Variants in GABBR2 observed in about 807,000 individuals in gnomAD.
The protein encoded by GABBR2 is gamma-aminobutyric acid type B receptor subunit 2.
A neutral mutation model predicts 105.6 loss-of-function variants in GABBR2; 23 were observed. The ratio of observed to expected loss-of-function variants is 0.22; its 90% CI spans 0.16 to 0.31. The LOEUF (loss-of-function observed/expected upper bound fraction) is 0.31. GABBR2 is among the 10% of genes least tolerant of loss of function. GABBR2 has a pLI of 1.00. For synonymous variants in GABBR2, 478 were observed against 499.7 expected (o/e 0.96, Z 0.58); for missense variants, 734 against 1,245.5 (o/e 0.59, Z 6.18).
intron 6 of GABBR2, among the ~76,000 whole-genome samples, chr9:98,458,674 C>T (rs1183284715): frequency 6.6e-6 from 1 of 152,216 alleles, no homozygotes; most frequent in Non-Finnish European, 1.5e-5. Context: ...CATTGCACTC[C>T]AGCCTGGGTG....
In GABBR2 at chr9:98,699,857, T is replaced by C. The variant is rs552212184; in HGVS notation, c.321+8560A>G. Among the ~76,000 whole-genome samples, 16 of 152,284 alleles carry C rather than the reference T, an allele frequency of 1.1e-4. 1 individual carries two copies. In the South Asian group the frequency reaches 2.9e-3, roughly 28 times the overall value. On this transcript the variant is annotated intron_variant, in intron 1 of 18. Transcript: ENST00000259455. ...TTTCACCAGCCTCACTGTGCACTGT[T>C]ACATAACGCTAGAGAAGAAGAAGAA...
intron 6 of GABBR2, among the ~76,000 whole-genome samples, chr9:98,465,570 T>C (rs1032031647): frequency 1.3e-5 from 2 of 152,238 alleles, no homozygotes; most frequent in African/African-American, 2.4e-5. Flanking sequence ...ATAAATTAAC[T>C]TTCCCAAGTC....
At chr9:98,539,957 G>A (rs1481213115) in intron 3 of GABBR2, among the ~76,000 whole-genome samples, 3 of 150,464 alleles carry the variant, frequency 2.0e-5, no homozygotes, top group African/African-American at 4.9e-5. Context: ...AAAGGAAAAA[G>A]CAAGTCTCTC....
chr9:98,700,056 C>T (rs1830810023), intron 1 of GABBR2, among the ~76,000 whole-genome samples: 1 of 152,152 alleles, frequency 6.6e-6, no homozygotes, highest in Non-Finnish European at 1.5e-5. Context: ...GAATGCCTTC[C>T]CTTCCCCCAC....
At chr9:98,489,052 TGC>T in intron 4 of GABBR2, among the ~76,000 whole-genome samples, 1 of 152,224 alleles carries the variant, frequency 6.6e-6, no homozygotes, top group Non-Finnish European at 1.5e-5. Flanking sequence ...TAGTCTCTGT[TGC>T]AATTACTCAG....
chr9:98,401,395 G>A (rs1461556379), intron 8 of GABBR2, among the ~76,000 whole-genome samples: 2 of 152,122 alleles, frequency 1.3e-5, no homozygotes, highest in African/African-American at 4.8e-5. Flanking sequence ...GAGAGTCGAT[G>A]GCTCAATGAA....
intron 13 of GABBR2, among the ~76,000 whole-genome samples, chr9:98,337,714 A>G (rs1302385932): frequency 6.6e-6 from 1 of 152,236 alleles, no homozygotes; most frequent in Non-Finnish European, 1.5e-5. Context: ...CATGGGTTAC[A>G]AGACTATTCA....
intron 6 of GABBR2, among the ~76,000 whole-genome samples, chr9:98,469,864 G>A (rs1176668456): frequency 1.3e-5 from 2 of 152,124 alleles, no homozygotes; most frequent in African/African-American, 4.8e-5. Context: ...CATGGACATC[G>A]ATGGATCCCA....
At chr9:98,531,208 C>T (rs1010025292) in intron 3 of GABBR2, among the ~76,000 whole-genome samples, 2 of 152,176 alleles carry the variant, frequency 1.3e-5, no homozygotes, top group Non-Finnish European at 1.5e-5. Context: ...AGGAGCCTGG[C>T]GTTGGCACCA....
intron 2 of GABBR2, among the ~76,000 whole-genome samples, chr9:98,543,837 T>C (rs1828352830): frequency 6.6e-6 from 1 of 152,208 alleles, no homozygotes; most frequent in African/African-American, 2.4e-5. Flanking sequence ...GTACTTTGTT[T>C]CTTGATGTTG....
chr9:98,681,031 T>C (rs113003864), intron 1 of GABBR2, among the ~76,000 whole-genome samples: 15,255 of 152,014 alleles, frequency 0.1, 849 homozygotes, highest in African/African-American at 0.12. Context: ...GAAGTCAGTG[T>C]GGCGACTCCT....
intron 3 of GABBR2, among the ~76,000 whole-genome samples, chr9:98,525,194 A>G (rs1482335694): frequency 6.6e-6 from 1 of 152,216 alleles, no homozygotes; most frequent in Non-Finnish European, 1.5e-5. Flanking sequence ...TTTTGTGCAA[A>G]AAAACACCAT....
intron 12 of GABBR2, among the ~76,000 whole-genome samples, chr9:98,365,010 T>A (rs555587406): frequency 1.3e-5 from 2 of 152,332 alleles, no homozygotes; most frequent in African/African-American, 4.8e-5. Flanking sequence ...TTGCTCTCAT[T>A]CTGCATTTCT....
intron 8 of GABBR2, among the ~76,000 whole-genome samples, chr9:98,405,042 T>G (rs544444351): frequency 7.7e-4 from 118 of 152,272 alleles, no homozygotes; most frequent in Middle Eastern, 3.4e-3. Flanking sequence ...AAAACCTCCC[T>G]ATCCAAAAAA....
chr9:98,674,020 C>T (rs1830441290), intron 1 of GABBR2, among the ~76,000 whole-genome samples: 1 of 152,128 alleles, frequency 6.6e-6, no homozygotes, highest in Admixed American at 6.5e-5. Context: ...ATAAACTTTG[C>T]TTAACAGTTA....
At chr9:98,573,527 T>C (rs1287667071) in intron 2 of GABBR2, among the ~76,000 whole-genome samples, 1 of 152,212 alleles carries the variant, frequency 6.6e-6, no homozygotes, top group African/African-American at 2.4e-5. Flanking sequence ...AAAGCCATCC[T>C]CCTGCCTTGG....
In GABBR2 at chr9:98,488,317, G is replaced by C. The variant is rs1930411; in HGVS notation, c.733-7320C>G. Among the ~76,000 whole-genome samples, 1,456 of 152,220 alleles carry C rather than the reference G, an allele frequency of 9.6e-3. 45 individuals carry two copies. The highest frequency in any genetic ancestry group is 0.066 in the Admixed American group (1,007 of 15,290). ...TCCTGTCTCCCTCCTCTCTCTGCTGGGGTTCTAGGACACTCAGTTGTTGCT... is the reference window on the plus strand; with the variant it reads ...TCCTGTCTCCCTCCTCTCTCTGCTGCGGTTCTAGGACACTCAGTTGTTGCT... On this transcript the variant is annotated intron_variant, in intron 4 of 18. Coordinates refer to ENST00000259455, the MANE Select transcript of GABBR2 (RefSeq NM_005458.8).
intron 2 of GABBR2, among the ~76,000 whole-genome samples, chr9:98,545,973 T>C (rs1428532979): frequency 6.6e-6 from 1 of 152,204 alleles, no homozygotes; most frequent in Non-Finnish European, 1.5e-5. Flanking sequence ...TCTGAACAGA[T>C]TGTGATTGAG....
intron 3 of GABBR2, among the ~76,000 whole-genome samples, chr9:98,500,606 A>T (rs1359457861): frequency 1.3e-5 from 2 of 152,238 alleles, no homozygotes; most frequent in Admixed American, 6.5e-5. Context: ...CCAAGGAACA[A>T]ATCCACAAGG....
Sources: gnomAD v4.1 joint callset for allele counts (sites outside exome capture counted in the v4.1 genomes callset) on GRCh38, gnomAD v4.1.1 for gene constraint, MANE v1.5 for transcripts, NCBI Gene and HGNC (gene_info 2026-07-23, HGNC 2026-07-21) for gene names.